ULK4: variants seen among roughly 807,000 people sequenced by gnomAD.
ULK4 encodes unc-51 like kinase 4.
A neutral mutation model predicts 160.6 loss-of-function variants in ULK4; 133 were observed. That is an observed-to-expected ratio of 0.83 (90% CI 0.72 to 0.96). The LOEUF is 0.96. ULK4 is among the 40% of genes least tolerant of loss of function. The pLI is 0.00. For missense variants in ULK4, 1,580 were observed against 1,499.5 expected (o/e 1.05, Z -0.89); for synonymous variants, 534 against 539.8 (o/e 0.99, Z 0.15).
chr3:41,342,579 A>C (rs2080709410), intron 35 of ULK4, among the ~76,000 whole-genome samples: 1 of 152,216 alleles, frequency 6.6e-6, no homozygotes, highest in Non-Finnish European at 1.5e-5. Context: ...TTCACAGCTG[A>C]ATTCTACCAG....
rs1345524021 is a variant in ULK4, at chr3:41,276,189, C to A, written c.3679-26615G>T. Among the ~76,000 whole-genome samples the A allele has an allele frequency of 2.0e-5, 3 of 152,238 alleles. No homozygotes were observed. The East Asian group carries it at 5.8e-4, about 29-fold the overall frequency. ...GCACTGACTAGTTGGTTCTTTCATT[C>A]TCCTATAGTTATCTGATGATAGTAA... On this transcript the variant is annotated intron_variant, in intron 35 of 36. Transcript: ENST00000301831.
At chr3:41,291,128 A>G (rs968787155) in intron 35 of ULK4, among the ~76,000 whole-genome samples, 16 of 151,760 alleles carry the variant, frequency 1.1e-4, no homozygotes, top group African/African-American at 3.9e-4. Flanking sequence ...GAAGCTTCTG[A>G]TTTTCACTCT....
In ULK4 at chr3:41,703,873, C is replaced by CACACACAA. The variant is rs1449517903; in HGVS notation, c.2781+1183_2781+1184insTTGTGTGT. On this transcript the variant is annotated intron_variant, in intron 27 of 36. Transcript: ENST00000301831. ...ACACACACACACACACACACACACA[C>CACACACAA]ACAAGTTAACTGTGTTTGAAGGGTG... 6.7e-4 allele frequency among the ~76,000 whole-genome samples: 87 copies of CACACACAA among 130,596 alleles called. 3 individuals carry two copies. The highest frequency in any genetic ancestry group is 2.8e-3 in the African/African-American group (78 of 27,840). 85.7% of individuals were successfully genotyped at this position (130,596 alleles called of 152,430 possible).
chr3:41,812,724 C>T (rs146287882), intron 19 of ULK4, among the ~76,000 whole-genome samples: 95 of 152,344 alleles, frequency 6.2e-4, no homozygotes, highest in African/African-American at 2.1e-3. Flanking sequence ...AGTCTGAAGA[C>T]TTACCCTTCC....
chr3:41,429,539 C>A (rs549841241), intron 34 of ULK4, among the ~76,000 whole-genome samples: 1 of 152,158 alleles, frequency 6.6e-6, no homozygotes. Flanking sequence ...AAACGTGGCA[C>A]ATATACATAC....
At chr3:41,418,673 G>T (rs537029599) in intron 34 of ULK4, among the ~76,000 whole-genome samples, 60 of 121,144 alleles carry the variant, frequency 5.0e-4, no homozygotes, top group African/African-American at 2.1e-3. Context: ...GGACCATTCA[G>T]GACCCTAAGA....
chr3:41,454,304 C>G (rs1239802666), intron 34 of ULK4, among the ~76,000 whole-genome samples: 1 of 149,874 alleles, frequency 6.7e-6, no homozygotes, highest in East Asian at 2.0e-4. Context: ...ATTTGGGAGG[C>G]CAAGGCAGGC....
At chr3:41,802,794 G>A (rs940862811) in intron 19 of ULK4, among the ~76,000 whole-genome samples, 3 of 152,102 alleles carry the variant, frequency 2.0e-5, no homozygotes, top group East Asian at 3.8e-4. Context: ...TAACATACAT[G>A]AGGTTCATAT....
intron 30 of ULK4, 115 bp downstream of exon 30, chr3:41,663,492 T>C (rs1470876864): frequency 1.0e-6 from 1 of 969,484 alleles, no homozygotes; most frequent in Admixed American, 2.1e-5. Flanking sequence ...AAAATGACGA[T>C]TTTGACAACT....
At chr3:41,712,859 C>A (rs528901670) in intron 25 of ULK4, among the ~76,000 whole-genome samples, 73 of 152,012 alleles carry the variant, frequency 4.8e-4, no homozygotes, top group Non-Finnish European at 9.6e-4. Context: ...CCACTGCACT[C>A]CAGCCTGGGT....
intron 32 of ULK4, among the ~76,000 whole-genome samples, chr3:41,519,145 A>G (rs1460946245): frequency 6.6e-6 from 1 of 152,168 alleles, no homozygotes; most frequent in Non-Finnish European, 1.5e-5. Context: ...GTTGGCCTCT[A>G]CAAAATTCAA....
chr3:41,505,865 T>C (rs1249937031), intron 32 of ULK4, among the ~76,000 whole-genome samples: 1 of 152,144 alleles, frequency 6.6e-6, no homozygotes, highest in Non-Finnish European at 1.5e-5. Context: ...AAAGTGGTCA[T>C]GGTGGACATC....
At chr3:41,522,055 G>GT (rs764300436) in intron 32 of ULK4, among the ~76,000 whole-genome samples, 34 of 151,096 alleles carry the variant, frequency 2.3e-4, no homozygotes, top group Non-Finnish European at 4.0e-4. Flanking sequence ...TACATGTAGT[G>GT]TTATACGTCC....
intron 18 of ULK4, among the ~76,000 whole-genome samples, chr3:41,827,699 C>G (rs900811342): frequency 2.4e-4 from 37 of 152,302 alleles, no homozygotes; most frequent in African/African-American, 8.7e-4. Context: ...GATGGATTCA[C>G]AGCCAAAATC....
chr3:41,715,403 G>A lies in ULK4; in HGVS notation c.2577+44C>T, dbSNP rs781026764. 2.1e-5 allele frequency: 34 copies of A among 1,613,406 alleles called. No individual in the cohort carries two copies. The Middle Eastern group carries it at 1.0e-3, about 48-fold the overall frequency. The stretch of plus-strand genomic sequence containing the variant: ...GATTCTCAGCTCCAGTTTACAAAGA[G>A]AAGAGGCAAATTTATATCCTTTTCC... On this transcript the variant is annotated intron_variant, in intron 24 of 36. Coordinates refer to ENST00000301831, the MANE Select transcript of ULK4 (RefSeq NM_017886.4).
chr3:41,936,756 C>T (rs986664820), intron 3 of ULK4, among the ~76,000 whole-genome samples: 2 of 151,888 alleles, frequency 1.3e-5, no homozygotes, highest in African/African-American at 4.8e-5. Flanking sequence ...AGAATGGCTA[C>T]CAGAGGTTGG....
chr3:41,782,717 A>T lies in ULK4; in HGVS notation c.2193+6944T>A, dbSNP rs377455017. Among the ~76,000 whole-genome samples the T allele has an allele frequency of 3.2e-4, 48 of 152,308 alleles. 1 individual carries two copies. The South Asian group carries it at 9.9e-3, about 32-fold the overall frequency. ...GTTACATATAAACTACCAAAAAAGA[A>T]CTTTTTAAGAAATGAGACTAATTTA... On this transcript the variant is annotated intron_variant, in intron 21 of 36. Coordinates refer to ENST00000301831, the MANE Select transcript of ULK4 (RefSeq NM_017886.4).
chr3:41,657,818 T>TAAAAAAAAAAAAAAAAAAAAAA lies in ULK4; in HGVS notation c.3071+5788_3071+5789insTTTTTTTTTTTTTTTTTTTTTT, dbSNP rs60281588. Among the ~76,000 whole-genome samples, 304 of 99,638 alleles carry TAAAAAAAAAAAAAAAAAAAAAA rather than the reference T, an allele frequency of 3.1e-3. 22 individuals carry two copies. Among genetic ancestry groups the TAAAAAAAAAAAAAAAAAAAAAA allele is most frequent in the African/African-American group, 6.9e-3 (103 of 14,944 alleles). 65.4% of individuals were successfully genotyped at this position (99,638 alleles called of 152,430 possible). ...GTGACAAAGCGAGACTCCATCTCAT[T>TAAAAAAAAAAAAAAAAAAAAAA]AAAAAAAAAAAAAAAAACACACACC... is the stretch of plus-strand genomic sequence containing the variant. On this transcript the variant is annotated intron_variant, in intron 30 of 36. Coordinates refer to ENST00000301831, the MANE Select transcript of ULK4 (RefSeq NM_017886.4).
intron 2 of ULK4, among the ~76,000 whole-genome samples, chr3:41,954,038 T>C (rs992033782): frequency 6.6e-6 from 1 of 151,800 alleles, no homozygotes; most frequent in African/African-American, 2.4e-5. Flanking sequence ...AAAAATTAGC[T>C]GGGTGTGGTG....
Sources: gnomAD v4.1 joint callset for allele counts (sites outside exome capture counted in the v4.1 genomes callset) on GRCh38, gnomAD v4.1.1 for gene constraint, MANE v1.5 for transcripts, NCBI Gene and HGNC (gene_info 2026-07-23, HGNC 2026-07-21) for gene names.